The following GATA4 variants were observed in gnomAD, a reference collection of about 807,000 sequenced individuals.
GATA4 encodes transcription factor GATA-4.
In GATA4, 7 loss-of-function variants were observed where a neutral mutation model predicts 37.9. That is an observed-to-expected ratio of 0.18 (90% CI 0.11 to 0.35). The LOEUF (loss-of-function observed/expected upper bound fraction) is 0.35. Ranked by LOEUF, GATA4 falls within the 10% of genes least tolerant of loss-of-function variation. The pLI is 1.00. For missense variants in GATA4, 647 were observed against 653.0 expected (o/e 0.99, Z 0.10); for synonymous variants, 372 against 292.6 (o/e 1.27, Z -2.77).
chr8:11,730,744 C>A (rs190012345), intron 2 of GATA4, among the ~76,000 whole-genome samples: 19 of 152,310 alleles, frequency 1.2e-4, no homozygotes, highest in African/African-American at 4.6e-4. Context: ...GTTATTTATT[C>A]CAGCGACTGT....
At chr8:11,757,774 G>A (rs1347477625) in intron 6 of GATA4, among the ~76,000 whole-genome samples, 2 of 152,242 alleles carry the variant, frequency 1.3e-5, no homozygotes, top group Non-Finnish European at 2.9e-5. Flanking sequence ...CCCCTCTGCA[G>A]TTCCCTCTCT....
intron 2 of GATA4, among the ~76,000 whole-genome samples, chr8:11,736,533 C>T (rs544843273): frequency 1.8e-4 from 27 of 152,360 alleles, no homozygotes; most frequent in African/African-American, 6.5e-4. Context: ...CTGAGCAGCG[C>T]TTGGCAGGAA....
intron 4 of GATA4, among the ~76,000 whole-genome samples, chr8:11,752,793 A>G (rs1346771644): frequency 3.3e-5 from 5 of 152,242 alleles, no homozygotes; most frequent in South Asian, 4.1e-4. Flanking sequence ...TCTTGTTATA[A>G]TGAACAAGCA....
In GATA4 at chr8:11,754,855, G is replaced by A. The variant is rs1406437163; in HGVS notation, c.913-191G>A. On this transcript the variant is annotated intron_variant, in intron 4 of 6. Transcript: ENST00000532059. The stretch of plus-strand genomic sequence containing the variant: ...TAGCCATCACATCACACAGGTGCTC[G>A]ATAAGTTTTTTAAAAATGGAATTGA... Among the ~76,000 whole-genome samples, 5 of 152,166 alleles carry A rather than the reference G, an allele frequency of 3.3e-5. No individual in the cohort carries two copies. The East Asian group carries it at 9.6e-4, about 29-fold the overall frequency.
Position 11,708,545 on chromosome 8 carries a change from C to A in GATA4, c.233C>A (p.Ala78Glu). Residue 78 changes from alanine to glutamate, a missense_variant, in exon 2 of 7, where the codon GCG becomes GAG. By Grantham distance (107) the Ala-to-Glu change is moderately radical. This residue lies in a region of GATA4 where 379 missense variants were observed against 334.5 expected (regional missense o/e 1.13). Transcript: ENST00000532059. This position sits in a 1 kb window ranked among gnomAD's most constrained non-coding sequence, Gnocchi z 6.7. ...AGCTCCGGTGGGGCCGCGTCTGGTG[C>A]GGGGCCCGGGACCCAGCAGGGCAGC... ...GGSSGGAASG[A>E]GPGTQQGSPG... 7.0e-7 allele frequency: 1 copy of A among 1,428,874 alleles called. No homozygotes were observed. Among genetic ancestry groups the A allele is most frequent in the Non-Finnish European group, 9.1e-7 (1 of 1,098,956 alleles). 88.5% of individuals were successfully genotyped at this position (1,428,874 alleles called of 1,614,324 possible). A position where few individuals can be genotyped will look rare whatever the true frequency, so the allele number is the denominator to read the frequency against.
At chr8:11,734,587 G>T (rs1050389096) in intron 2 of GATA4, among the ~76,000 whole-genome samples, 4 of 152,100 alleles carry the variant, frequency 2.6e-5, no homozygotes, top group African/African-American at 7.2e-5. Context: ...CCTGGGTTCA[G>T]GCAATTCTCC....
chr8:11,720,261 T>G (rs1013087589), intron 2 of GATA4, among the ~76,000 whole-genome samples: 2 of 151,950 alleles, frequency 1.3e-5, no homozygotes, highest in Non-Finnish European at 2.9e-5. Context: ...GCATGCCCCG[T>G]GATAGTCATT....
intron 1 of GATA4, among the ~76,000 whole-genome samples, chr8:11,694,728 G>T (rs1038067546): frequency 6.6e-6 from 1 of 152,116 alleles, no homozygotes; most frequent in African/African-American, 2.4e-5. Flanking sequence ...GTGACCAGTG[G>T]GTGTCTGCCA....
intron 2 of GATA4, among the ~76,000 whole-genome samples, chr8:11,713,468 A>T (rs13278753): frequency 0.41 from 62,549 of 151,856 alleles, 16,990 homozygotes; most frequent in Non-Finnish European, 0.61. Flanking sequence ...TGGCTGCGTG[A>T]GTCCTTTAAG....
At position 11,709,667 on chromosome 8, in the gene GATA4, G is replaced by T. The variant is rs1800083655; in HGVS notation, c.616+739G>T. On this transcript the variant is annotated intron_variant, in intron 2 of 6. Transcript: ENST00000532059. The surrounding 1 kb of genome is among the most constrained non-coding windows in gnomAD (Gnocchi z 4.3). ...GACACCCGAGTTAAATGGAGACTTT[G>T]CAGTCGCTTGCACGCGTGGAGCCTC... 6.6e-6 allele frequency among the ~76,000 whole-genome samples: 1 copy of T among 151,834 alleles called. No individual in the cohort carries two copies. Among genetic ancestry groups the T allele is most frequent in the Non-Finnish European group, 1.5e-5 (1 of 67,980 alleles).
chr8:11,733,623 A>G (rs548214663), intron 2 of GATA4, among the ~76,000 whole-genome samples: 1 of 152,378 alleles, frequency 6.6e-6, no homozygotes, highest in African/African-American at 2.4e-5. Flanking sequence ...TGCCTTAACA[A>G]TGCCAAACTA....
In GATA4 at chr8:11,739,354, G is replaced by A. The variant is rs192434787; in HGVS notation, c.617-9562G>A. On this transcript the variant is annotated intron_variant, in intron 2 of 6. Transcript: ENST00000532059. ...GGCGTTTTGGTTGTTTCCAGTATTT[G>A]GCAGGAATACCTGAAAAATAGATAT... Among the ~76,000 whole-genome samples, 639 of 152,224 alleles carry A rather than the reference G, an allele frequency of 4.2e-3. 19 individuals carry two copies. The highest frequency in any genetic ancestry group is 0.04 in the Admixed American group (612 of 15,284).
intron 2 of GATA4, among the ~76,000 whole-genome samples, chr8:11,722,011 T>C (rs556205340): frequency 6.6e-6 from 1 of 152,264 alleles, no homozygotes; most frequent in South Asian, 2.1e-4. Flanking sequence ...ACCTTTTAAA[T>C]AGGTTAAAAA....
intron 2 of GATA4, among the ~76,000 whole-genome samples, chr8:11,735,157 T>A (rs1281003503): frequency 6.6e-6 from 1 of 152,238 alleles, no homozygotes; most frequent in Non-Finnish European, 1.5e-5. Context: ...AACAAAGATT[T>A]GAAAAAGCTG....
Position 11,704,309 on chromosome 8 carries a change from G to A in GATA4, c.-458+5G>A, listed in dbSNP as rs73203482. ...CGGAACCTCCAGGCCCAGCAGGTAG[G>A]GCTTTTTTCTTCCCTTTCTTTGCTC... On this transcript the variant is annotated splice_donor_5th_base_variant and intron_variant, in intron 1 of 6. Coordinates refer to ENST00000532059, the MANE Select transcript of GATA4 (RefSeq NM_001308093.3). 8,098 of 152,368 alleles carry A rather than the reference G, an allele frequency of 0.053. 306 individuals are homozygous for A. Among genetic ancestry groups the A allele is most frequent in the South Asian group, 0.12 (571 of 4,828 alleles). The allele number at this position is 152,368 out of a possible 1,614,324, so 9.4% of individuals were successfully genotyped here.
At chr8:11,754,905 G>A in intron 4 of GATA4, 141 bp from the exon 5 acceptor site, 1 of 695,588 alleles carries the variant, frequency 1.4e-6, no homozygotes, top group Non-Finnish European at 2.6e-6. Flanking sequence ...AGTTCCAGGG[G>A]CCTGTGCAGC....
intron 1 of GATA4, chr8:11,681,131 A>G: frequency 1.0e-6 from 1 of 985,156 alleles, no homozygotes. Context: ...CGGAAAACCG[A>G]GCCCAGGGAA....
upstream of GATA4, among the ~76,000 whole-genome samples, chr8:11,701,077 C>T (rs1799659008): frequency 6.6e-6 from 1 of 152,134 alleles, no homozygotes; most frequent in Admixed American, 6.5e-5. Context: ...CAATTTGCCT[C>T]TTCTGGGGTA....
chr8:11,712,043 C>G (rs1253930283), intron 2 of GATA4, among the ~76,000 whole-genome samples: 3 of 152,200 alleles, frequency 2.0e-5, no homozygotes, highest in Admixed American at 6.5e-5. Flanking sequence ...ACTTACCTCT[C>G]TCGGTCTCAC....
Sources: allele counts gnomAD v4.1 joint callset (sites outside exome capture counted in the v4.1 genomes callset), GRCh38; gene constraint gnomAD v4.1.1; regional missense constraint gnomAD v4.1.1; non-coding constraint Gnocchi (gnomAD v3.1); transcripts MANE v1.5; gene names NCBI Gene and HGNC (gene_info 2026-07-23, HGNC 2026-07-21).